The following LIN7A variants were observed in gnomAD, a reference collection of about 807,000 sequenced individuals.
LIN7A encodes the protein protein lin-7 homolog A.
A neutral mutation model predicts 29.8 loss-of-function variants in LIN7A; 25 were observed. That is an observed-to-expected ratio of 0.84 (90% CI 0.61 to 1.17). LIN7A has a LOEUF of 1.17. LIN7A is among the 50% of genes most tolerant of loss of function. The pLI is 0.00. For missense variants in LIN7A, 239 were observed against 287.0 expected (o/e 0.83, Z 1.21); for synonymous variants, 118 against 107.5 (o/e 1.10, Z -0.60).
intron 1 of LIN7A, among the ~76,000 whole-genome samples, chr12:80,933,753 C>T (rs1878049042): frequency 6.6e-6 from 1 of 152,152 alleles, no homozygotes; most frequent in Non-Finnish European, 1.5e-5. Flanking sequence ...TGCCTCCTCA[C>T]TTTCTACAGG....
At chr12:80,837,784 G>A (rs1195593754) in intron 4 of LIN7A, among the ~76,000 whole-genome samples, 1 of 152,042 alleles carries the variant, frequency 6.6e-6, no homozygotes, top group Non-Finnish European at 1.5e-5. Context: ...CCCTTAGGCT[G>A]GGATAACTGA....
chr12:80,841,300 GAAAAA>G (rs910109497), intron 4 of LIN7A, among the ~76,000 whole-genome samples: 2 of 139,898 alleles, frequency 1.4e-5, no homozygotes, highest in Non-Finnish European at 3.1e-5. Flanking sequence ...AAGAAAGAAA[GAAAAA>G]AGAAAAGAAA....
intron 4 of LIN7A, among the ~76,000 whole-genome samples, chr12:80,827,509 C>A (rs921356545): frequency 1.3e-5 from 2 of 152,146 alleles, no homozygotes; most frequent in Non-Finnish European, 2.9e-5. Context: ...AAATGCATTA[C>A]CCCATACATA....
intron 2 of LIN7A, among the ~76,000 whole-genome samples, chr12:80,862,712 A>C (rs192222217): frequency 5.3e-5 from 8 of 152,326 alleles, no homozygotes; most frequent in Admixed American, 5.2e-4. Context: ...AATCACCAAG[A>C]AAAGGCACAA....
In LIN7A at chr12:80,888,993, A is replaced by C. The variant is rs149402394; in HGVS notation, c.201+258T>G. 1.5e-4 allele frequency among the ~76,000 whole-genome samples: 23 copies of C among 152,244 alleles called. No homozygotes were observed. The East Asian group carries it at 4.4e-3, about 29-fold the overall frequency. On this transcript the variant is annotated intron_variant, in intron 2 of 5. Transcript: ENST00000552864. ...ATGTGACCACTAAATAGCATAGACT[A>C]CATGCAACAGTCACCTGCTAGGCAG... is the stretch of plus-strand genomic sequence containing the variant.
chr12:80,804,560 A>G, intron 5 of LIN7A, among the ~76,000 whole-genome samples: 1 of 150,552 alleles, frequency 6.6e-6, no homozygotes, highest in African/African-American at 2.4e-5. Flanking sequence ...TTTTTCTGAG[A>G]CAGAGTCTTG....
intron 1 of LIN7A, among the ~76,000 whole-genome samples, chr12:80,895,908 G>C (rs971017080): frequency 1.3e-5 from 2 of 152,182 alleles, no homozygotes; most frequent in Admixed American, 1.3e-4. Context: ...TACTAGCCCT[G>C]AACTGTCCAA....
chr12:80,797,007 T>G lies in LIN7A; in HGVS notation c.*720A>C, dbSNP rs1318160718. On this transcript the variant is annotated 3_prime_UTR_variant, in exon 6 of 6. Transcript: ENST00000552864. The stretch of plus-strand genomic sequence containing the variant: ...AATATACATTATACTCTGTTGGAAT[T>G]AATAATAATAGATACAAGCAATAAT... The G allele has an allele frequency of 6.6e-6, 1 of 152,054 alleles. No homozygotes were observed. Among genetic ancestry groups the G allele is most frequent in the Non-Finnish European group, 1.5e-5 (1 of 68,014 alleles). The allele number at this position is 152,054 out of a possible 1,614,324, so 9.4% of individuals were successfully genotyped here. A position where few individuals can be genotyped will look rare whatever the true frequency, so the allele number is the denominator to read the frequency against.
intron 5 of LIN7A, among the ~76,000 whole-genome samples, chr12:80,807,069 T>G (rs1346645650): frequency 3.1e-5 from 2 of 63,834 alleles, no homozygotes; most frequent in Non-Finnish European, 7.4e-5. Flanking sequence ...TGGAGTTTTT[T>G]TTTTTTTTTT....
intron 1 of LIN7A, among the ~76,000 whole-genome samples, chr12:80,928,324 A>C (rs921960954): frequency 1.3e-5 from 2 of 152,140 alleles, no homozygotes; most frequent in Non-Finnish European, 2.9e-5. Flanking sequence ...ACTCCCACCA[A>C]GAGTGTAAAA....
chr12:80,876,572 G>C (rs1874713635), intron 2 of LIN7A, among the ~76,000 whole-genome samples: 1 of 152,004 alleles, frequency 6.6e-6, no homozygotes, highest in South Asian at 2.1e-4. Flanking sequence ...CAAGTTAGTA[G>C]AAAAACACAT....
chr12:80,839,102 T>G (rs1027706458), intron 4 of LIN7A, among the ~76,000 whole-genome samples: 2 of 152,198 alleles, frequency 1.3e-5, no homozygotes, highest in African/African-American at 4.8e-5. Flanking sequence ...TTATGAGTAG[T>G]TAAGAAAAAC....
At chr12:80,812,171 T>A (rs1237098365) in intron 4 of LIN7A, among the ~76,000 whole-genome samples, 1 of 152,136 alleles carries the variant, frequency 6.6e-6, no homozygotes, top group Non-Finnish European at 1.5e-5. Context: ...ATGGAAAGCT[T>A]TATTTATTAT....
Position 80,934,113 on chromosome 12 carries a change from C to T in LIN7A, c.82+3528G>A, listed in dbSNP as rs1472649899. On this transcript the variant is annotated intron_variant, in intron 1 of 5. Transcript: ENST00000552864. Reference sequence around the variant, plus strand: ...AGAAACTTTTGTTTCTGGTATTCCTCCAGCATCTTGCATATAGAAGGTGAT... The same window carrying T: ...AGAAACTTTTGTTTCTGGTATTCCTTCAGCATCTTGCATATAGAAGGTGAT... 3.9e-5 allele frequency among the ~76,000 whole-genome samples: 6 copies of T among 152,214 alleles called. No individual in the cohort carries two copies. In the South Asian group the frequency reaches 8.3e-4, roughly 21 times the overall value.
At chr12:80,891,734 G>A (rs1448616571) in intron 1 of LIN7A, among the ~76,000 whole-genome samples, 6 of 152,172 alleles carry the variant, frequency 3.9e-5, no homozygotes, top group African/African-American at 1.2e-4. Context: ...AGAAGTCAGG[G>A]AGGATCTATT....
At chr12:80,921,117 A>C (rs1191420703) in intron 1 of LIN7A, among the ~76,000 whole-genome samples, 2 of 152,120 alleles carry the variant, frequency 1.3e-5, no homozygotes, top group Non-Finnish European at 2.9e-5. Flanking sequence ...TTAAGTCAAG[A>C]GGGCGCTGGA....
At chr12:80,818,911 G>T (rs1356177831) in intron 4 of LIN7A, among the ~76,000 whole-genome samples, 1 of 152,182 alleles carries the variant, frequency 6.6e-6, no homozygotes, top group East Asian at 1.9e-4. Flanking sequence ...ATTTTGCCTT[G>T]ATTTAGCTCT....
At chr12:80,842,413 T>C (rs1487287501) in intron 4 of LIN7A, among the ~76,000 whole-genome samples, 1 of 152,066 alleles carries the variant, frequency 6.6e-6, no homozygotes, top group Admixed American at 6.6e-5. Context: ...TCTGCCTAAA[T>C]ATATATATAA....
At position 80,848,289 on chromosome 12, in the gene LIN7A, T is replaced by G. The variant is rs745983182; in HGVS notation, c.235A>C (p.Asn79His). The G allele has an allele frequency of 1.2e-6, 2 of 1,613,270 alleles. No individual in the cohort carries two copies. Among genetic ancestry groups the G allele is most frequent in the Non-Finnish European group, 8.5e-7 (1 of 1,179,334 alleles). Residue 79 changes from asparagine to histidine, a missense_variant, in exon 3 of 6, where the codon AAT (asparagine) becomes CAT (histidine). Asn to His is a moderately conservative substitution (Grantham distance 68). Coordinates refer to ENST00000552864, the MANE Select transcript of LIN7A (RefSeq NM_004664.4). Reference protein sequence around the residue: ...YQYMHETITVNGCPEFRARAT... With the variant: ...YQYMHETITVHGCPEFRARAT... The stretch of plus-strand genomic sequence containing the variant: ...CTCGCACGGAATTCGGGACAGCCAT[T>G]AACAGTTATCGTTTCATGCATATAT...
Sources: gnomAD v4.1 joint callset for allele counts (sites outside exome capture counted in the v4.1 genomes callset) on GRCh38, gnomAD v4.1.1 for gene constraint, MANE v1.5 for transcripts, NCBI Gene and HGNC (gene_info 2026-07-23, HGNC 2026-07-21) for gene names.